The following PPP1R9B variants were observed in gnomAD, a reference collection of about 807,000 sequenced individuals.
PPP1R9B encodes the protein protein phosphatase 1 regulatory subunit 9B.
In PPP1R9B, 17 loss-of-function variants were observed where a neutral mutation model predicts 75.8. The observed-to-expected ratio is 0.22, with a 90% CI of 0.15 to 0.34. The LOEUF (loss-of-function observed/expected upper bound fraction) is 0.34. Ranked by LOEUF, PPP1R9B falls within the 10% of genes least tolerant of loss-of-function variation. The pLI is 1.00. For synonymous variants in PPP1R9B, 509 were observed against 535.4 expected (o/e 0.95, Z 0.68); for missense variants, 875 against 1,196.0 (o/e 0.73, Z 3.96).
In PPP1R9B at chr17:50,139,820, A is replaced by G. The variant is rs1227936227; in HGVS notation, c.1867-239T>C. Among the ~76,000 whole-genome samples the G allele has an allele frequency of 2.0e-5, 3 of 152,206 alleles. No individual in the cohort carries two copies. The highest frequency in any genetic ancestry group is 4.4e-5 in the Non-Finnish European group (3 of 68,030). On this transcript the variant is annotated intron_variant, in intron 5 of 9. Transcript: ENST00000612501. The surrounding 1 kb of genome is among the most constrained non-coding windows in gnomAD (Gnocchi z 5.0). ...CATCAGCCTGGGTCTCTGAAGAAACAGCCTGTACTATCTTTCCCCTTCTGG... is the reference window on the plus strand; with the variant it reads ...CATCAGCCTGGGTCTCTGAAGAAACGGCCTGTACTATCTTTCCCCTTCTGG...
Position 50,141,355 on chromosome 17 carries a change from G to T in PPP1R9B, c.1644C>A (p.Leu548=), listed in dbSNP as rs114697139. The T allele has an allele frequency of 2.0e-3, 3,213 of 1,587,316 alleles. 58 individuals are homozygous for T. The African/African-American group carries it at 0.039, about 19-fold the overall frequency. The change falls in exon 4 of 10, where the codon CTC becomes CTA. Residue 548 remains leucine (L), a synonymous_variant. Coordinates refer to ENST00000612501, the MANE Select transcript of PPP1R9B (RefSeq NM_032595.5). ...HRDGRIQVND[L]LVEVDGTSLV... The stretch of plus-strand genomic sequence containing the variant: ...GACTTGTTCCATCCACCTCCACCAG[G>T]AGATCATTCACCTGGATCCTAGCGG...
rs886153186 is a variant in PPP1R9B at position 50,148,674 on chromosome 17, C to T, written c.1371+469G>A. On this transcript the variant is annotated intron_variant, in intron 1 of 9. Transcript: ENST00000612501. ...TCGTTTTGAGAAGTTCCTGGCTTTC[C>T]CCTTTCTCACCTCATCCAGCTCCCA... is the stretch of plus-strand genomic sequence containing the variant. Among the ~76,000 whole-genome samples the T allele has an allele frequency of 5.3e-5, 8 of 152,376 alleles. No homozygotes were observed. The East Asian group carries it at 1.3e-3, about 26-fold the overall frequency.
intron 1 of PPP1R9B, 119 bp from the exon 2 acceptor site, chr17:50,145,364 G>C: frequency 1.5e-6 from 2 of 1,292,348 alleles, no homozygotes; most frequent in Non-Finnish European, 2.2e-6. Context: ...ATAGCCCTGA[G>C]ATGAGGCCTC....
chr17:50,137,164 T>A (rs1912252683), intron 7 of PPP1R9B: 2 of 152,282 alleles, frequency 1.3e-5, no homozygotes, highest in African/African-American at 4.8e-5. Context: ...ACCCTTCAGC[T>A]CTCTGCTGTG....
rs1912141231 is a variant in PPP1R9B, at chr17:50,134,025, C to T, written c.*1306G>A. The T allele has an allele frequency of 6.6e-6, 1 of 152,590 alleles. No homozygotes were observed. 9.5% of individuals were successfully genotyped at this position (152,590 alleles called of 1,614,324 possible). A position where few individuals can be genotyped will look rare whatever the true frequency, so the allele number is the denominator to read the frequency against. On this transcript the variant is annotated 3_prime_UTR_variant, in exon 10 of 10. Transcript: ENST00000612501. ...GGGGACAAGAAATACTGATCGAAGT[C>T]ATGGTCTATTTACAGGGGACAAGAA...
chr17:50,146,462 C>G (rs1471354656), intron 1 of PPP1R9B, among the ~76,000 whole-genome samples: 5 of 152,124 alleles, frequency 3.3e-5, no homozygotes, highest in Non-Finnish European at 7.4e-5. Flanking sequence ...CCCGTCTCCT[C>G]CAGGAGCAGA....
chr17:50,140,300 TC>T, intron 4 of PPP1R9B, 72 bp from the exon 5 acceptor site: 10 of 1,515,248 alleles, frequency 6.6e-6, no homozygotes, highest in Non-Finnish European at 8.0e-6. Context: ...CTGCTGATGC[TC>T]CCCTCTCCAA....
At position 50,139,597 on chromosome 17, in the gene PPP1R9B, G is replaced by A. The variant is rs534152063; in HGVS notation, c.1867-16C>T. ...ACTCTCCCGTCTGCGAAGGGAGACC[G>A]GAGACTGTGGGCCCACCCCACCCAG... is the stretch of plus-strand genomic sequence containing the variant. On this transcript the variant is annotated splice_polypyrimidine_tract_variant and intron_variant, in intron 5 of 9. Coordinates refer to ENST00000612501, the MANE Select transcript of PPP1R9B (RefSeq NM_032595.5). The surrounding 1 kb of genome is among the most constrained non-coding windows in gnomAD (Gnocchi z 5.0). 2.7e-5 allele frequency: 41 copies of A among 1,529,622 alleles called. No individual in the cohort carries two copies. The highest frequency in any genetic ancestry group is 2.5e-4 in the African/African-American group (18 of 72,270). 94.8% of individuals were successfully genotyped at this position (1,529,622 alleles called of 1,614,324 possible).
rs1356024038 is a variant in PPP1R9B, at chr17:50,134,805, C to G, written c.*526G>C. On this transcript the variant is annotated 3_prime_UTR_variant, in exon 10 of 10. Coordinates refer to ENST00000612501, the MANE Select transcript of PPP1R9B (RefSeq NM_032595.5). ...GGATGGGGGAGGTGTTGAGGCAACG[C>G]CCCCACCCCCCAGGCGGGAGGGTCA... 1 of 162,062 alleles carries G rather than the reference C, an allele frequency of 6.2e-6. No homozygotes were observed. The highest frequency in any genetic ancestry group is 6.0e-5 in the Admixed American group (1 of 16,750). 10.0% of individuals were successfully genotyped at this position (162,062 alleles called of 1,614,324 possible).
intron 2 of PPP1R9B, among the ~76,000 whole-genome samples, chr17:50,144,688 G>A (rs527435229): frequency 2.0e-5 from 3 of 152,198 alleles, no homozygotes; most frequent in East Asian, 3.9e-4. Context: ...CCTGTTAAAC[G>A]CTTTTACAGT....
intron 4 of PPP1R9B, 106 bp downstream of exon 4, chr17:50,141,163 G>A: frequency 1.4e-6 from 1 of 739,804 alleles, no homozygotes; most frequent in Non-Finnish European, 2.3e-6. Context: ...CAGAACCTCT[G>A]TGAGCTGGGC....
Position 50,139,158 on chromosome 17 carries a change from G to A in PPP1R9B, c.2073+105C>T. ...TGCTTTAGAGCAGCTTGTTCTGTGG[G>A]TACCTGTGCCTAAGTGTCAGCATGT... On this transcript the variant is annotated intron_variant, in intron 7 of 9. Transcript: ENST00000612501. This position sits in a 1 kb window ranked among gnomAD's most constrained non-coding sequence, Gnocchi z 5.0. 2 of 1,272,544 alleles carry A rather than the reference G, an allele frequency of 1.6e-6. No individual in the cohort carries two copies. The highest frequency in any genetic ancestry group is 1.1e-6 in the Non-Finnish European group (1 of 869,900). 78.8% of individuals were successfully genotyped at this position (1,272,544 alleles called of 1,614,324 possible). A position where few individuals can be genotyped will look rare whatever the true frequency, so the allele number is the denominator to read the frequency against.
At chr17:50,141,167 G>A in intron 4 of PPP1R9B, 102 bp downstream of exon 4, 1 of 758,744 alleles carries the variant, frequency 1.3e-6, no homozygotes, top group East Asian at 2.9e-5. Flanking sequence ...ACCTCTGTGA[G>A]CTGGGCCACC....
Position 50,149,024 on chromosome 17 carries a change from G to C in PPP1R9B, c.1371+119C>G, listed in dbSNP as rs184187132. 2.4e-3 allele frequency: 1,591 copies of C among 674,212 alleles called. 16 individuals carry two copies. The African/African-American group carries it at 0.025, about 10-fold the overall frequency. The allele number at this position is 674,212 out of a possible 1,614,324, so 41.8% of individuals were successfully genotyped here. ...CCTGAGGGTGGGAACTTCTGGGAAGGGGGCTGGGTGGCAGGGGCTGACTCA... is the reference window on the plus strand; with the variant it reads ...CCTGAGGGTGGGAACTTCTGGGAAGCGGGCTGGGTGGCAGGGGCTGACTCA... On this transcript the variant is annotated intron_variant, in intron 1 of 9. Transcript: ENST00000612501. The surrounding 1 kb of genome is among the most constrained non-coding windows in gnomAD (Gnocchi z 7.2).
Position 50,139,469 on chromosome 17 carries a change from A to G in PPP1R9B, c.1979T>C (p.Val660Ala). 1 of 1,605,110 alleles carries G rather than the reference A, an allele frequency of 6.2e-7. No homozygotes were observed. Among genetic ancestry groups the G allele is most frequent in the Non-Finnish European group, 8.5e-7 (1 of 1,173,950 alleles). ...LAENEDALSP[V>A]DMEPEKLVHK... The stretch of plus-strand genomic sequence containing the variant: ...CACCAGCTTCTCGGGCTCCATGTCC[A>G]CAGGGGACAGTGCATCCTCGTTCTC... Residue 660 changes from valine to alanine, a missense_variant, in exon 6 of 10, where the codon GTG (valine) becomes GCG (alanine). Val to Ala is a moderately conservative substitution (Grantham distance 64, BLOSUM62 0). This residue lies in a region of PPP1R9B where 218 missense variants were observed against 334.6 expected (regional missense o/e 0.65). Transcript: ENST00000612501. The surrounding 1 kb of genome is among the most constrained non-coding windows in gnomAD (Gnocchi z 5.0).
At position 50,135,241 on chromosome 17, in the gene PPP1R9B, C is replaced by T. The variant is rs183131087; in HGVS notation, c.*90G>A. 2,734 of 1,019,520 alleles carry T rather than the reference C, an allele frequency of 2.7e-3. 47 individuals are homozygous for T. The African/African-American group carries it at 0.06, about 22-fold the overall frequency. The allele number at this position is 1,019,520 out of a possible 1,614,324, so 63.2% of individuals were successfully genotyped here. ...GGGAGTCGGGGCACCTGTCCCCAGG[C>T]TGGAAGGGGGAGGGGTGGGGTGTTG... is the stretch of plus-strand genomic sequence containing the variant. On this transcript the variant is annotated 3_prime_UTR_variant, in exon 10 of 10. Coordinates refer to ENST00000612501, the MANE Select transcript of PPP1R9B (RefSeq NM_032595.5).
chr17:50,139,234 C>G lies in PPP1R9B; in HGVS notation c.2073+29G>C. The G allele has an allele frequency of 6.2e-7, 1 of 1,613,886 alleles. No homozygotes were observed. The highest frequency in any genetic ancestry group is 1.7e-5 in the Admixed American group (1 of 60,032). On this transcript the variant is annotated intron_variant, in intron 7 of 9. Transcript: ENST00000612501. This position sits in a 1 kb window ranked among gnomAD's most constrained non-coding sequence, Gnocchi z 5.0. ...GCTCCTCAACACACACATGCACGCACGCAAAAGCACACACATACGCACCCT... is the reference window on the plus strand; with the variant it reads ...GCTCCTCAACACACACATGCACGCAGGCAAAAGCACACACATACGCACCCT...
chr17:50,143,494 TC>T, intron 3 of PPP1R9B, 103 bp downstream of exon 3: 1 of 1,424,792 alleles, frequency 7.0e-7, no homozygotes, highest in Non-Finnish European at 9.6e-7. Flanking sequence ...CACGGAAATC[TC>T]CCAGGGAAGG....
chr17:50,135,784 C>A, intron 8 of PPP1R9B, 135 bp from the exon 9 acceptor site: 1 of 932,370 alleles, frequency 1.1e-6, no homozygotes, highest in Admixed American at 2.5e-5. Context: ...CAGGTTTTCC[C>A]AAAGCCTCTG....
Sources: allele counts gnomAD v4.1 joint callset (sites outside exome capture counted in the v4.1 genomes callset), GRCh38; gene constraint gnomAD v4.1.1; regional missense constraint gnomAD v4.1.1; non-coding constraint Gnocchi (gnomAD v3.1); transcripts MANE v1.5; gene names NCBI Gene and HGNC (gene_info 2026-07-23, HGNC 2026-07-21).